The following PCDHA4 variants were observed in gnomAD, a reference collection of about 807,000 sequenced individuals.
The protein encoded by PCDHA4 is protocadherin alpha 4.
In PCDHA4, 49 loss-of-function variants were observed where a neutral mutation model predicts 61.4. The observed-to-expected ratio is 0.80, with a 90% CI of 0.63 to 1.01. The LOEUF (loss-of-function observed/expected upper bound fraction) is 1.01, where lower values mean the gene tolerates loss of function less well. PCDHA4 is among the 50% of genes least tolerant of loss of function. The pLI is 0.00. For missense variants in PCDHA4, 1,254 were observed against 1,235.8 expected (o/e 1.01, Z -0.22); for synonymous variants, 590 against 550.3 (o/e 1.07, Z -1.01).
At position 140,811,844 on chromosome 5, in the gene PCDHA4, G is replaced by GT. The variant is rs1299388678; in HGVS notation, c.2385+2278dup. On this transcript the variant is annotated intron_variant, in intron 1 of 3. Coordinates refer to ENST00000530339, the MANE Select transcript of PCDHA4 (RefSeq NM_018907.4). ...TATCCTTTGCCCACTTTTTGATAGG[G>GT]TTTTTTGTTTTTTTCTTGTAAATGT... 1.2e-4 allele frequency: 18 copies of GT among 152,224 alleles called. No homozygotes were observed. In the East Asian group the frequency reaches 3.3e-3, roughly 28 times the overall value. 9.4% of individuals were successfully genotyped at this position (152,224 alleles called of 1,614,324 possible).
In PCDHA4 at chr5:140,808,669, G is replaced by T; in HGVS notation, c.1482G>T (p.Leu494=). 1.2e-6 allele frequency: 2 copies of T among 1,612,884 alleles called. No individual in the cohort carries two copies. Among genetic ancestry groups the T allele is most frequent in the Non-Finnish European group, 1.7e-6 (2 of 1,179,858 alleles). ...AGAACGCGCTGGTGTCCTACTCGCT[G>T]GTAGAGCGGCGGGTAGGGGAGCGCG... ...AQENALVSYS[L]VERRVGERAL... is the part of the protein sequence containing the mutation. The change falls in exon 1 of 4, where the codon CTG becomes CTT. Residue 494 remains leucine (L), a synonymous_variant. Transcript: ENST00000530339.
intron 1 of PCDHA4, among the ~76,000 whole-genome samples, chr5:140,913,069 C>G (rs1249708459): frequency 9.2e-5 from 14 of 152,006 alleles, no homozygotes; most frequent in Non-Finnish European, 1.5e-4. Flanking sequence ...TTTGATGTGT[C>G]ATTGTTTGGT....
rs782009767 is a variant in PCDHA4, at chr5:140,830,181, A to T, written c.2385+20609A>T. On this transcript the variant is annotated intron_variant, in intron 1 of 3. Coordinates refer to ENST00000530339, the MANE Select transcript of PCDHA4 (RefSeq NM_018907.4). ...CCAGAGGCGGCGCTGGTGGATGTCA[A>T]CGTGTACCTGATCATCGCCATCTGC... 7 of 1,613,474 alleles carry T rather than the reference A, an allele frequency of 4.3e-6. No individual in the cohort carries two copies. In the Admixed American group the frequency reaches 1.0e-4, roughly 23 times the overall value.
At chr5:140,819,168 A>T (rs1217280072) in intron 1 of PCDHA4, among the ~76,000 whole-genome samples, 1 of 152,214 alleles carries the variant, frequency 6.6e-6, no homozygotes, top group African/African-American at 2.4e-5. Context: ...TTAATTTTTG[A>T]AGAATCAAAT....
intron 1 of PCDHA4, chr5:140,851,593 C>A (rs1200692770): frequency 1.1e-6 from 1 of 916,458 alleles, no homozygotes; most frequent in Non-Finnish European, 1.3e-6. Context: ...TTTTGAAATT[C>A]AGTTTACAGA....
At chr5:140,912,654 G>T (rs1411811349) in intron 1 of PCDHA4, among the ~76,000 whole-genome samples, 4 of 152,076 alleles carry the variant, frequency 2.6e-5, no homozygotes, top group Non-Finnish European at 5.9e-5. Flanking sequence ...GAATAGAAGT[G>T]GTGAAAATGG....
intron 1 of PCDHA4, chr5:140,881,408 T>A (rs1397596000): frequency 1.1e-6 from 1 of 949,826 alleles, no homozygotes; most frequent in Non-Finnish European, 1.3e-6. Flanking sequence ...ATTAAATCAA[T>A]AGGATATTAG....
At chr5:140,867,685 T>C (rs2050105980) in intron 1 of PCDHA4, 1 of 152,116 alleles carries the variant, frequency 6.6e-6, no homozygotes, top group African/African-American at 2.4e-5. Context: ...TGTTGCATCT[T>C]CTTTTTTTCC....
At chr5:140,814,103 A>C (rs1765435463) in intron 1 of PCDHA4, 1 of 153,702 alleles carries the variant, frequency 6.5e-6, no homozygotes, top group Non-Finnish European at 1.4e-5. Context: ...AATAACGCTT[A>C]GCTTAAAACA....
intron 1 of PCDHA4, chr5:140,829,556 C>G: frequency 6.2e-7 from 1 of 1,612,808 alleles, no homozygotes; most frequent in Middle Eastern, 1.9e-4. Flanking sequence ...GGAGAACGCG[C>G]TGGTGTCCTA....
chr5:140,855,923 A>C (rs1424860955), intron 1 of PCDHA4: 25 of 1,229,030 alleles, frequency 2.0e-5, no homozygotes, highest in Non-Finnish European at 2.7e-5. Context: ...ACTAGGAAGT[A>C]GCGTCATTCT....
At chr5:140,972,750 G>A (rs2096554223) in intron 1 of PCDHA4, among the ~76,000 whole-genome samples, 2 of 143,042 alleles carry the variant, frequency 1.4e-5, no homozygotes, top group South Asian at 2.2e-4. Context: ...TGCAACCTCC[G>A]CCTCCCAAGT....
chr5:140,862,610 G>A (rs2047447715), intron 1 of PCDHA4: 4 of 520,926 alleles, frequency 7.7e-6, no homozygotes, highest in Non-Finnish European at 1.6e-5. Flanking sequence ...TTCGTGAAAG[G>A]TAACAACCCG....
intron 1 of PCDHA4, chr5:140,861,823 G>A (rs2047101556): frequency 1.3e-5 from 2 of 159,302 alleles, no homozygotes; most frequent in Non-Finnish European, 2.7e-5. Flanking sequence ...TTTCAGATAG[G>A]TAAGTCACTT....
intron 1 of PCDHA4, chr5:140,884,016 G>C (rs143828814): frequency 1.2e-6 from 2 of 1,613,208 alleles, no homozygotes; most frequent in Non-Finnish European, 8.5e-7. Flanking sequence ...CTGATGCCGC[G>C]GTCGGTGGGT....
intron 1 of PCDHA4, among the ~76,000 whole-genome samples, chr5:140,827,031 A>G (rs1396094273): frequency 6.6e-6 from 1 of 152,234 alleles, no homozygotes; most frequent in East Asian, 1.9e-4. Flanking sequence ...GAATTTAAAA[A>G]TTTGAATTTG....
At chr5:140,927,891 GA>G (rs1554205193) in intron 1 of PCDHA4, 1 of 1,614,192 alleles carries the variant, frequency 6.2e-7, no homozygotes, top group Admixed American at 1.7e-5. Context: ...TGACTGACGT[GA>G]ACGATCATGC....
chr5:140,965,676 G>A (rs906070464), intron 1 of PCDHA4, among the ~76,000 whole-genome samples: 1 of 152,132 alleles, frequency 6.6e-6, no homozygotes, highest in African/African-American at 2.4e-5. Flanking sequence ...AAATGTAAAA[G>A]ATTTGAAGCA....
At chr5:140,850,748 G>T (rs2150496861) in intron 1 of PCDHA4, 2 of 1,597,980 alleles carry the variant, frequency 1.3e-6, no homozygotes, top group South Asian at 1.1e-5. Flanking sequence ...GGTCGTACTC[G>T]CAGCAGAGGA....
Sources: allele counts gnomAD v4.1 joint callset (sites outside exome capture counted in the v4.1 genomes callset), GRCh38; gene constraint gnomAD v4.1.1; transcripts MANE v1.5; gene names NCBI Gene and HGNC (gene_info 2026-07-23, HGNC 2026-07-21).